The following LCORL variants were observed in gnomAD, a reference collection of about 807,000 sequenced individuals.
The protein encoded by LCORL is ligand dependent nuclear receptor corepressor like.
Under a neutral mutation model 141.8 loss-of-function variants are expected in LCORL, and 41 were observed. That is an observed-to-expected ratio of 0.29 (90% CI 0.23 to 0.38). The LOEUF (loss-of-function observed/expected upper bound fraction) is 0.38, where lower values mean the gene tolerates loss of function less well. Among genes scored for constraint, LCORL ranks in the 10% least tolerant of loss-of-function variants. The probability of loss-of-function intolerance (pLI) is 1.00; values close to 1 mark genes in which losing one functional copy is unlikely to be tolerated. For missense variants in LCORL, 1,759 were observed against 2,035.0 expected, an observed-to-expected ratio of 0.86 and a Z score of 2.61; for synonymous variants, 618 against 694.1, an observed-to-expected ratio of 0.89 and a Z score of 1.72.
chr4:17,865,003 A>G (rs1250582966), intron 7 of LCORL, among the ~76,000 whole-genome samples: 4 of 152,242 alleles, frequency 2.6e-5, no homozygotes, highest in African/African-American at 9.6e-5. Context: ...AAATACGTGA[A>G]GCAAAACCTA....
chr4:17,874,757 T>C (rs1726734511), exon 7 of LCORL: 1 of 1,233,832 alleles, frequency 8.1e-7, no homozygotes, highest in African/African-American at 1.6e-5. Flanking sequence ...GATCCAAGGA[T>C]ACTTCAGAAA....
At chr4:17,984,722 G>A (rs757213557) in intron 1 of LCORL, among the ~76,000 whole-genome samples, 11 of 151,930 alleles carry the variant, frequency 7.2e-5, no homozygotes, top group Non-Finnish European at 1.3e-4. Flanking sequence ...TCCTGAATTC[G>A]TTGATCTTCT....
rs60765138 is a variant in LCORL at position 17,952,414 on chromosome 4, A to AT, written c.430+9488dup. Reference sequence around the variant, plus strand: ...CCCATTTTCTTTCCCCTCAAAAACAATTTTTTTTTTTTTTTTTTTGAGATG... The same window carrying AT: ...CCCATTTTCTTTCCCCTCAAAAACAATTTTTTTTTTTTTTTTTTTTGAGATG... On this transcript the variant is annotated intron_variant, in intron 4 of 7. Transcript: ENST00000635767. Among the ~76,000 whole-genome samples, 1,017 of 135,822 alleles carry AT rather than the reference A, an allele frequency of 7.5e-3. 5 individuals carry two copies. The highest frequency in any genetic ancestry group is 0.015 in the African/African-American group (549 of 35,998). 89.1% of individuals were successfully genotyped at this position (135,822 alleles called of 152,430 possible).
chr4:17,975,623 T>C (rs917999301), intron 1 of LCORL, among the ~76,000 whole-genome samples: 7 of 152,154 alleles, frequency 4.6e-5, no homozygotes, highest in African/African-American at 1.4e-4. Context: ...CTCAAACTCC[T>C]GACCTCAGGT....
At chr4:17,972,439 T>C (rs907289287) in intron 2 of LCORL, among the ~76,000 whole-genome samples, 1 of 151,784 alleles carries the variant, frequency 6.6e-6, no homozygotes, top group African/African-American at 2.4e-5. Flanking sequence ...CAATTGAACA[T>C]TTAAATTGAA....
At chr4:17,853,834 A>G (rs1422964198) in intron 7 of LCORL, among the ~76,000 whole-genome samples, 1 of 152,138 alleles carries the variant, frequency 6.6e-6, no homozygotes, top group Non-Finnish European at 1.5e-5. Context: ...ACCTTCATGA[A>G]GGTCACTTAT....
exon 8 of LCORL, chr4:17,843,446 T>C: frequency 6.2e-7 from 1 of 1,608,550 alleles, no homozygotes; most frequent in South Asian, 1.1e-5. Flanking sequence ...GGAGGTGGAA[T>C]CCTTTAAGAT....
intron 4 of LCORL, among the ~76,000 whole-genome samples, chr4:17,947,249 T>C (rs550166564): frequency 5.9e-5 from 9 of 152,024 alleles, no homozygotes; most frequent in Admixed American, 3.9e-4. Flanking sequence ...ATGGATGGAA[T>C]TGGAGAACAT....
intron 4 of LCORL, among the ~76,000 whole-genome samples, chr4:17,960,785 T>G (rs1456293198): frequency 6.6e-6 from 1 of 152,048 alleles, no homozygotes; most frequent in African/African-American, 2.4e-5. Context: ...GTACTAAAAA[T>G]TTTGAAAAAA....
At chr4:17,892,178 C>G (rs1729177597) in intron 5 of LCORL, among the ~76,000 whole-genome samples, 1 of 151,420 alleles carries the variant, frequency 6.6e-6, no homozygotes, top group African/African-American at 2.4e-5. Context: ...CATTTGCCTA[C>G]CTCTGCAAGT....
At chr4:17,976,696 G>C (rs906796505) in intron 1 of LCORL, among the ~76,000 whole-genome samples, 2 of 152,110 alleles carry the variant, frequency 1.3e-5, no homozygotes, top group African/African-American at 4.8e-5. Context: ...TTTCCTAAAA[G>C]ACAAAATCAT....
intron 4 of LCORL, chr4:17,912,234 G>A (rs1222539718): frequency 2.7e-6 from 2 of 737,478 alleles, no homozygotes; most frequent in Non-Finnish European, 5.0e-6. Flanking sequence ...AGTCTGTGGA[G>A]AGCAACATTA....
At chr4:17,979,792 G>GGAA (rs1717648489) in intron 1 of LCORL, among the ~76,000 whole-genome samples, 1 of 152,124 alleles carries the variant, frequency 6.6e-6, no homozygotes, top group African/African-American at 2.4e-5. Flanking sequence ...ATGGCAAGGG[G>GGAA]GAAACAGGCT....
intron 2 of LCORL, among the ~76,000 whole-genome samples, chr4:17,970,524 T>C (rs1715723178): frequency 6.6e-6 from 1 of 152,182 alleles, no homozygotes; most frequent in Non-Finnish European, 1.5e-5. Context: ...AGTTCCACGC[T>C]GCCTGTATCA....
At chr4:17,849,117 AAAAG>A (rs1723311462) in intron 7 of LCORL, among the ~76,000 whole-genome samples, 1 of 152,210 alleles carries the variant, frequency 6.6e-6, no homozygotes, top group African/African-American at 2.4e-5. Flanking sequence ...CAGACAAACA[AAAAG>A]ACAGCAGAAA....
At chr4:17,875,271 G>C in exon 7 of LCORL, 1 of 1,231,336 alleles carries the variant, frequency 8.1e-7, no homozygotes, top group Middle Eastern at 3.1e-4. Context: ...TATTGCCAAA[G>C]GCTTCTGATT....
chr4:17,876,212 T>G (rs921098351), exon 7 of LCORL: 1 of 1,230,840 alleles, frequency 8.1e-7, no homozygotes, highest in African/African-American at 1.6e-5. Context: ...CTAAAATAGA[T>G]GACTTTTTCA....
At chr4:17,878,772 T>C (rs1424817709) in intron 6 of LCORL, among the ~76,000 whole-genome samples, 1 of 151,322 alleles carries the variant, frequency 6.6e-6, no homozygotes, top group Non-Finnish European at 1.5e-5. Context: ...GTTAGCTATT[T>C]AAAAATAAAA....
At chr4:17,963,862 TA>T (rs1714343638) in intron 2 of LCORL, among the ~76,000 whole-genome samples, 1 of 151,992 alleles carries the variant, frequency 6.6e-6, no homozygotes, top group Non-Finnish European at 1.5e-5. Flanking sequence ...ACCTCAAACA[TA>T]AAAACCATTA....
Sources: allele counts gnomAD v4.1 joint callset (sites outside exome capture counted in the v4.1 genomes callset), GRCh38; gene constraint gnomAD v4.1.1; transcripts MANE v1.5; gene names NCBI Gene and HGNC (gene_info 2026-07-23, HGNC 2026-07-21).